Variants in NEK9 observed in about 807,000 individuals in gnomAD.
NEK9 encodes the protein serine/threonine-protein kinase Nek9.
A neutral mutation model predicts 123.4 loss-of-function variants in NEK9; 75 were observed. The observed-to-expected ratio is 0.61, with a 90% CI of 0.50 to 0.74. The LOEUF is 0.74. Among genes scored for constraint, NEK9 ranks in the 30% least tolerant of loss-of-function variants. NEK9 has a pLI of 0.00. For synonymous variants in NEK9, 438 were observed against 458.7 expected, an observed-to-expected ratio of 0.95 and a Z score of 0.58; for missense variants, 952 against 1,214.4, an observed-to-expected ratio of 0.78 and a Z score of 3.21.
Position 75,126,904 on chromosome 14 carries a change from C to G in NEK9, c.18G>C (p.Glu6Asp), listed in dbSNP as rs1318648641. The G allele has an allele frequency of 1.3e-6, 2 of 1,509,610 alleles. No individual in the cohort carries two copies. The highest frequency in any genetic ancestry group is 1.8e-6 in the Non-Finnish European group (2 of 1,126,874). 93.5% of individuals were successfully genotyped at this position (1,509,610 alleles called of 1,614,324 possible). A position where few individuals can be genotyped will look rare whatever the true frequency, so the allele number is the denominator to read the frequency against. The change falls in exon 1 of 22, where the codon GAG (glutamate) becomes GAC (aspartate). Residue 6 changes from glutamate to aspartate, a missense_variant. By Grantham distance (45) the Glu-to-Asp change is conservative (BLOSUM62 2). Coordinates refer to ENST00000238616, the MANE Select transcript of NEK9 (RefSeq NM_033116.6). The stretch of plus-strand genomic sequence containing the variant: ...TGATGGAATCGCAGTGTCGCTCGTA[C>G]TCGCCCAGCACCGACATGGCGGCGG... MSVLG[E>D]YERHCDSINS...
chr14:75,127,112 C>G, upstream of NEK9: 1 of 537,100 alleles, frequency 1.9e-6, no homozygotes. Flanking sequence ...TTTCCTCCGC[C>G]TTTGCTTACC....
chr14:75,106,695 A>C lies in NEK9; in HGVS notation c.1335T>G (p.Gly445=). ...DDFTVCVTDE[G]QLYAFGSDYY... ...AATCTGATCCGAAGGCATAGAGCTG[A>C]CCCTCATCTGCAAAAGAAAGGAAAA... Residue 445 remains glycine (G), a synonymous_variant, in exon 12 of 22, where the codon GGT becomes GGG. Transcript: ENST00000238616. 6.2e-7 allele frequency: 1 copy of C among 1,608,384 alleles called. No individual in the cohort carries two copies.
rs1893806845 is a variant in NEK9 at position 75,079,501 on chromosome 14, A to C, written c.*5063T>G. 1 of 152,242 alleles carries C rather than the reference A, an allele frequency of 6.6e-6. No individual in the cohort carries two copies. The highest frequency in any genetic ancestry group is 1.9e-4 in the East Asian group (1 of 5,208). 9.4% of individuals were successfully genotyped at this position (152,242 alleles called of 1,614,324 possible). ...CCTAGGCAAGTTCAATGAAATGTAC[A>C]CTTTAAGTGGGAATGTAAACCAGTA... is the stretch of plus-strand genomic sequence containing the variant. On this transcript the variant is annotated 3_prime_UTR_variant, in exon 22 of 22. Transcript: ENST00000238616.
intron 18 of NEK9, 90 bp from the exon 19 acceptor site, chr14:75,091,568 C>T: frequency 8.7e-7 from 1 of 1,149,042 alleles, no homozygotes; most frequent in Non-Finnish European, 1.2e-6. Context: ...TGGAAAGGTG[C>T]CTATAAGCTG....
At chr14:75,108,514 CGTGT>C (rs35358755) in intron 10 of NEK9, among the ~76,000 whole-genome samples, 4,440 of 147,684 alleles carry the variant, frequency 0.03, 131 homozygotes, top group African/African-American at 0.074. Flanking sequence ...TGTGCGTGTG[CGTGT>C]GTGTGTGTGT....
At chr14:75,103,695 T>G in intron 14 of NEK9, 147 bp downstream of exon 14, 1 of 791,280 alleles carries the variant, frequency 1.3e-6, no homozygotes, top group South Asian at 2.0e-5. Context: ...GTACTCTTTG[T>G]GGCTGGCTTC....
intron 1 of NEK9, among the ~76,000 whole-genome samples, chr14:75,124,626 A>ATTAG (rs1190313050): frequency 2.0e-5 from 3 of 152,154 alleles, no homozygotes; most frequent in Non-Finnish European, 4.4e-5. Flanking sequence ...TAAAATGAAA[A>ATTAG]TACTAAACTT....
rs149123282 is a variant in NEK9 at position 75,086,187 on chromosome 14, AAAAAATAAAAAT to A, written c.2817+819_2817+830del. ...CTGGGCAACAGAGTGAGACTGTCTC[AAAAAATAAAAAT>A]AAAAATAAAAATAAAAATAAAAATA... On this transcript the variant is annotated intron_variant, in intron 21 of 21. Coordinates refer to ENST00000238616, the MANE Select transcript of NEK9 (RefSeq NM_033116.6). Among the ~76,000 whole-genome samples the A allele has an allele frequency of 5.7e-3, 822 of 145,424 alleles. 3 individuals are homozygous for A. The highest frequency in any genetic ancestry group is 0.01 in the Middle Eastern group (3 of 288).
chr14:75,086,717 C>A, intron 21 of NEK9: 1 of 316,312 alleles, frequency 3.2e-6, no homozygotes, highest in South Asian at 2.9e-5. Flanking sequence ...ACCATCCTGG[C>A]CAACACGGTG....
In NEK9 at chr14:75,080,043, C is replaced by T. The variant is rs1280838768; in HGVS notation, c.*4521G>A. 2 of 152,166 alleles carry T rather than the reference C, an allele frequency of 1.3e-5. No individual in the cohort carries two copies. The highest frequency in any genetic ancestry group is 2.4e-5 in the African/African-American group (1 of 41,432). 9.4% of individuals were successfully genotyped at this position (152,166 alleles called of 1,614,324 possible). ...TAGGCCTTGGTTATATTAGAAATAT[C>T]TTTCAAGGCCGAGCATGGTGGCTCA... is the stretch of plus-strand genomic sequence containing the variant. On this transcript the variant is annotated 3_prime_UTR_variant, in exon 22 of 22. Coordinates refer to ENST00000238616, the MANE Select transcript of NEK9 (RefSeq NM_033116.6).
chr14:75,121,909 G>A (rs1312535608), intron 2 of NEK9, among the ~76,000 whole-genome samples: 1 of 152,142 alleles, frequency 6.6e-6, no homozygotes, highest in East Asian at 1.9e-4. Context: ...GTGATGCAAT[G>A]TTTTGTATTT....
At chr14:75,124,937 A>ATT (rs1895469634) in intron 1 of NEK9, among the ~76,000 whole-genome samples, 1 of 55,712 alleles carries the variant, frequency 1.8e-5, no homozygotes, top group East Asian at 5.1e-4. Flanking sequence ...CACTCAGCTA[A>ATT]ATTTTTTTTT....
chr14:75,120,721 T>G, intron 3 of NEK9, 141 bp from the exon 4 acceptor site: 1 of 664,436 alleles, frequency 1.5e-6, no homozygotes, highest in Non-Finnish European at 2.6e-6. Flanking sequence ...TCCTTGCAGG[T>G]TGAGTAGGCA....
At chr14:75,105,309 GA>G (rs1314789939) in intron 13 of NEK9, among the ~76,000 whole-genome samples, 93 of 138,886 alleles carry the variant, frequency 6.7e-4, no homozygotes, top group Non-Finnish European at 5.5e-4. Flanking sequence ...CCCAAGGAAA[GA>G]AAAAAAAAAA....
chr14:75,101,518 G>A, intron 15 of NEK9, 139 bp downstream of exon 15: 2 of 563,372 alleles, frequency 3.6e-6, no homozygotes, highest in African/African-American at 1.9e-5. Context: ...ATAAAAATAT[G>A]TACCTGAATA....
intron 1 of NEK9, among the ~76,000 whole-genome samples, chr14:75,125,573 T>C (rs1336786241): frequency 6.6e-6 from 1 of 152,254 alleles, no homozygotes; most frequent in East Asian, 1.9e-4. Context: ...TATACTGTTT[T>C]AGTTTCTCTA....
rs1487837927 is a variant in NEK9 at position 75,081,727 on chromosome 14, CAA to C, written c.*2835_*2836del. Reference sequence around the variant, plus strand: ...CTTGGCTGTGCTATGCCAGGGAGACCAAATTCAGTTCAATCTCTTTGAAGGAA... The same window carrying C: ...CTTGGCTGTGCTATGCCAGGGAGACCATTCAGTTCAATCTCTTTGAAGGAA... On this transcript the variant is annotated 3_prime_UTR_variant, in exon 22 of 22. Transcript: ENST00000238616. The surrounding 1 kb of genome is among the most constrained non-coding windows in gnomAD (Gnocchi z 4.2). 1 of 152,090 alleles carries C rather than the reference CAA, an allele frequency of 6.6e-6. No individual in the cohort carries two copies. The highest frequency in any genetic ancestry group is 6.5e-5 in the Admixed American group (1 of 15,276). The allele number at this position is 152,090 out of a possible 1,614,324, so 9.4% of individuals were successfully genotyped here.
At chr14:75,104,071 C>G in intron 13 of NEK9, 74 bp from the exon 14 acceptor site, 2 of 1,419,466 alleles carry the variant, frequency 1.4e-6, no homozygotes, top group Non-Finnish European at 1.9e-6. Context: ...CAAATTCTTT[C>G]AAAAGAGACA....
rs771710563 is a variant in NEK9, at chr14:75,087,140, C to A, written c.2695G>T (p.Val899Phe). The part of the protein sequence containing the change: ...ACACSSLQVE[V>F]ERLQGLVLKC... ...AACACCAGACCCTGCAATCTCTCAA[C>A]CTCCACCTGCAGAGAGCTGCACGCA... Residue 899 changes from valine to phenylalanine, a missense_variant, in exon 21 of 22, where the codon GTT becomes TTT. Coordinates refer to ENST00000238616, the MANE Select transcript of NEK9 (RefSeq NM_033116.6). The A allele has an allele frequency of 1.2e-6, 2 of 1,614,168 alleles. No individual in the cohort carries two copies. Among genetic ancestry groups the A allele is most frequent in the Non-Finnish European group, 1.7e-6 (2 of 1,180,042 alleles).
Sources: gnomAD v4.1 joint callset for allele counts (sites outside exome capture counted in the v4.1 genomes callset) on GRCh38, gnomAD v4.1.1 for gene constraint, Gnocchi (gnomAD v3.1) non-coding constraint, MANE v1.5 for transcripts, NCBI Gene and HGNC (gene_info 2026-07-23, HGNC 2026-07-21) for gene names.